The following SLCO2B1 variants were observed in gnomAD, a reference collection of about 807,000 sequenced individuals.
SLCO2B1 encodes OATP-RP2.
In SLCO2B1, 41 loss-of-function variants were observed where a neutral mutation model predicts 67.3. The observed-to-expected ratio is 0.61, with a 90% CI of 0.47 to 0.79. The LOEUF (loss-of-function observed/expected upper bound fraction) is 0.79. Ranked by LOEUF, SLCO2B1 falls within the 30% of genes least tolerant of loss-of-function variation. The pLI is 0.00. For missense variants in SLCO2B1, 837 were observed against 920.1 expected, an observed-to-expected ratio of 0.91 and a Z score of 1.17; for synonymous variants, 379 against 381.4, an observed-to-expected ratio of 0.99 and a Z score of 0.07.
At position 75,151,373 on chromosome 11, in the gene SLCO2B1, C is replaced by G. The variant is rs779822498; in HGVS notation, c.-9C>G. On this transcript the variant is annotated 5_prime_UTR_variant, in exon 1 of 14. Coordinates refer to ENST00000289575, the MANE Select transcript of SLCO2B1 (RefSeq NM_007256.5). ...ATTAGGGGCTGGAGCTCACTGCACT[C>G]CAGCAGTCATGGGACCCAGGATAGG... The G allele has an allele frequency of 8.1e-6, 13 of 1,613,184 alleles. No individual in the cohort carries two copies. The South Asian group carries it at 1.3e-4, about 16-fold the overall frequency.
chr11:75,169,975 G>A, intron 6 of SLCO2B1: 1 of 554,340 alleles, frequency 1.8e-6, no homozygotes, highest in Non-Finnish European at 3.2e-6. Context: ...CCAGCGAGAT[G>A]GTGGAGATAA....
chr11:75,169,933 TC>T (rs1467734244), intron 6 of SLCO2B1, 169 bp downstream of exon 6: 1 of 602,338 alleles, frequency 1.7e-6, no homozygotes, highest in Non-Finnish European at 3.0e-6. Context: ...ATAATCTCTG[TC>T]CTGTCTGTCT....
chr11:75,184,494 A>C (rs1217984981), intron 7 of SLCO2B1, among the ~76,000 whole-genome samples: 2 of 152,228 alleles, frequency 1.3e-5, no homozygotes, highest in Non-Finnish European at 2.9e-5. Context: ...AAGGTGAAGC[A>C]AAGGTCCTGT....
In SLCO2B1 at chr11:75,204,591, G is replaced by A. The variant is rs771565700; in HGVS notation, c.*11G>A. 3.6e-5 allele frequency: 58 copies of A among 1,593,130 alleles called. No homozygotes were observed. The African/African-American group carries it at 6.3e-4, about 17-fold the overall frequency. On this transcript the variant is annotated 3_prime_UTR_variant, in exon 14 of 14. Coordinates refer to ENST00000289575, the MANE Select transcript of SLCO2B1 (RefSeq NM_007256.5). ...GATTCCCGAGTGTGAGCTGTCTTGG[G>A]GCCCCACCTGGCCAAGAGTAGCAGC...
intron 8 of SLCO2B1, among the ~76,000 whole-genome samples, chr11:75,192,421 G>A (rs1376907554): frequency 1.3e-5 from 2 of 152,142 alleles, no homozygotes; most frequent in Non-Finnish European, 2.9e-5. Context: ...TTAGGTAGAG[G>A]GCTATGGAGA....
Position 75,200,310 on chromosome 11 carries a change from G to A in SLCO2B1, c.1686G>A (p.Val562=). Residue 562 remains valine, a synonymous_variant, in exon 11 of 14, where the codon GTG becomes GTA. Coordinates refer to ENST00000289575, the MANE Select transcript of SLCO2B1 (RefSeq NM_007256.5). ...SCDSTCSHLV[V]PFLLLVSLGS... ...ACTCAACGTGCAGCCATCTGGTGGT[G>A]CCCTTCCTGCTCCTGGTCAGCCTGG... 6.2e-7 allele frequency: 1 copy of A among 1,613,766 alleles called. No homozygotes were observed. Among genetic ancestry groups the A allele is most frequent in the Non-Finnish European group, 8.5e-7 (1 of 1,179,968 alleles).
At chr11:75,168,132 A>T (rs775746605) in intron 4 of SLCO2B1, among the ~76,000 whole-genome samples, 2 of 152,040 alleles carry the variant, frequency 1.3e-5, no homozygotes, top group Non-Finnish European at 2.9e-5. Context: ...ATCTCAGGTG[A>T]TCCACCCTGC....
chr11:75,163,983 C>T lies in SLCO2B1; in HGVS notation c.168C>T (p.Ser56=), dbSNP rs140510651. 26 of 1,603,310 alleles carry T rather than the reference C, an allele frequency of 1.6e-5. No homozygotes were observed. The African/African-American group carries it at 3.3e-4, about 21-fold the overall frequency. Residue 56 remains serine (S), a synonymous_variant, in exon 3 of 14, where the codon AGC becomes AGT. Coordinates refer to ENST00000289575, the MANE Select transcript of SLCO2B1 (RefSeq NM_007256.5). ...HNIKLFVLCH[S]LLQLAQLMIS... ...CACAGCTGTTCGTTCTGTGCCACAG[C>T]CTGCTGCAGCTGGCGCAGCTCATGA...
At chr11:75,174,777 C>T (rs1358754370) in intron 7 of SLCO2B1, among the ~76,000 whole-genome samples, 1 of 152,106 alleles carries the variant, frequency 6.6e-6, no homozygotes, top group Non-Finnish European at 1.5e-5. Flanking sequence ...CAAATTGAGT[C>T]CTAAATTTGA....
intron 7 of SLCO2B1, among the ~76,000 whole-genome samples, chr11:75,185,378 G>A (rs936648488): frequency 6.6e-6 from 1 of 152,094 alleles, no homozygotes; most frequent in Non-Finnish European, 1.5e-5. Context: ...CTTCCCTATG[G>A]CCCATGGCAT....
intron 7 of SLCO2B1, among the ~76,000 whole-genome samples, chr11:75,187,196 T>G (rs1944948956): frequency 6.6e-6 from 1 of 152,260 alleles, no homozygotes; most frequent in Non-Finnish European, 1.5e-5. Context: ...CAGCATACAG[T>G]AAGTGCTTAG....
At chr11:75,166,266 G>A (rs560500300) in intron 4 of SLCO2B1, among the ~76,000 whole-genome samples, 11 of 152,260 alleles carry the variant, frequency 7.2e-5, no homozygotes, top group South Asian at 2.1e-4. Flanking sequence ...TAGACCCTCC[G>A]GAATTGCGTG....
At chr11:75,204,375 T>C in intron 13 of SLCO2B1, 25 bp from the exon 14 acceptor site, 2 of 1,578,006 alleles carry the variant, frequency 1.3e-6, no homozygotes, top group South Asian at 1.2e-5. Context: ...GCTCTTGAGT[T>C]CAAGGGTCCC....
At chr11:75,167,467 T>C (rs183840684) in intron 4 of SLCO2B1, among the ~76,000 whole-genome samples, 5 of 152,282 alleles carry the variant, frequency 3.3e-5, no homozygotes, top group Admixed American at 2.6e-4. Context: ...AGCCTCCGTC[T>C]TTACATCAGC....
At position 75,172,134 on chromosome 11, in the gene SLCO2B1, C is replaced by T. The variant is rs375780085; in HGVS notation, c.782-245C>T. On this transcript the variant is annotated intron_variant, in intron 6 of 13. Transcript: ENST00000289575. ...ATGGAATTCAGACCCAGCAGTCCGCCTCTAGAGTCCATGGCCTTGACCACT... is the reference window on the plus strand; with the variant it reads ...ATGGAATTCAGACCCAGCAGTCCGCTTCTAGAGTCCATGGCCTTGACCACT... 2.2e-4 allele frequency among the ~76,000 whole-genome samples: 33 copies of T among 152,314 alleles called. 2 individuals are homozygous for T. The East Asian group carries it at 5.4e-3, about 25-fold the overall frequency.
At chr11:75,187,281 C>T (rs914890250) in intron 7 of SLCO2B1, among the ~76,000 whole-genome samples, 1 of 151,890 alleles carries the variant, frequency 6.6e-6, no homozygotes, top group Non-Finnish European at 1.5e-5. Context: ...GTGCCCCCTC[C>T]CTCCACACAC....
rs1360702702 is a variant in SLCO2B1, at chr11:75,188,221, T to C, written c.1058T>C (p.Val353Ala). The stretch of plus-strand genomic sequence containing the variant: ...GTCCAGATTGCACCAAACCTGACTG[T>C]GATCCAGTTCATTAAAGGTAAGTCA... ...GLVQIAPNLTVIQFIKVFPRV... is the reference protein window; with the variant it reads ...GLVQIAPNLTAIQFIKVFPRV... Residue 353 changes from valine (V) to alanine (A), a missense_variant, in exon 8 of 14, where the codon GTG (valine) becomes GCG (alanine). Transcript: ENST00000289575. The C allele has an allele frequency of 7.4e-6, 12 of 1,613,270 alleles. No individual in the cohort carries two copies. In the Admixed American group the frequency reaches 2.0e-4, roughly 27 times the overall value.
At chr11:75,174,049 G>T (rs1158039606) in intron 7 of SLCO2B1, among the ~76,000 whole-genome samples, 1 of 152,080 alleles carries the variant, frequency 6.6e-6, no homozygotes, top group Non-Finnish European at 1.5e-5. Context: ...TGATCTGCCC[G>T]CCTCAGCCTC....
chr11:75,158,013 A>T (rs1391590106), intron 1 of SLCO2B1, among the ~76,000 whole-genome samples: 2 of 152,118 alleles, frequency 1.3e-5, no homozygotes, highest in Non-Finnish European at 2.9e-5. Flanking sequence ...ACCCAAAGAA[A>T]TGGGAAAACG....
Sources: allele counts gnomAD v4.1 joint callset (sites outside exome capture counted in the v4.1 genomes callset), GRCh38; gene constraint gnomAD v4.1.1; transcripts MANE v1.5; gene names NCBI Gene and HGNC (gene_info 2026-07-23, HGNC 2026-07-21).